DMD: variants seen among roughly 807,000 people sequenced by gnomAD.
DMD encodes dystrophin.
Under a neutral mutation model 330.1 loss-of-function variants are expected in DMD, and 63 were observed. That is an observed-to-expected ratio of 0.19 (90% CI 0.16 to 0.24). The LOEUF (loss-of-function observed/expected upper bound fraction) is 0.24. Ranked by LOEUF, DMD falls within the 10% of genes least tolerant of loss-of-function variation. The pLI is 1.00. For synonymous variants in DMD, 1,223 were observed against 959.8 expected, an observed-to-expected ratio of 1.27 and a Z score of -5.07; for missense variants, 3,344 against 2,684.1, an observed-to-expected ratio of 1.25 and a Z score of -5.43.
intron 44 of DMD, among the ~76,000 whole-genome samples, chrX:32,032,180 T>G (rs1038140856): frequency 9.0e-6 from 1 of 111,708 alleles, no homozygotes; most frequent in Non-Finnish European, 1.9e-5. Flanking sequence ...ATTTTATTGT[T>G]TATTTGAAAC....
chrX:32,656,378 C>A (rs1041638634), intron 9 of DMD, among the ~76,000 whole-genome samples: 5 of 111,313 alleles, frequency 4.5e-5, no homozygotes, highest in African/African-American at 1.6e-4. Context: ...TCCTACAAGG[C>A]CTCCATCACT....
intron 1 of DMD, among the ~76,000 whole-genome samples, chrX:33,330,620 A>C (rs1485762287): frequency 2.7e-5 from 3 of 111,921 alleles, no homozygotes; most frequent in African/African-American, 9.7e-5. Flanking sequence ...TTGCATGGTC[A>C]TGCTCATGCT....
intron 37 of DMD, among the ~76,000 whole-genome samples, chrX:32,355,308 G>C (rs2097795277): frequency 9.0e-6 from 1 of 111,010 alleles, no homozygotes; most frequent in Non-Finnish European, 1.9e-5. Flanking sequence ...TCTAGTATTT[G>C]CTAACCACAC....
chrX:31,525,934 C>G lies in DMD; in HGVS notation c.8218-18481G>C, dbSNP rs541062340. On this transcript the variant is annotated intron_variant, in intron 55 of 78. Coordinates refer to ENST00000357033, the MANE Select transcript of DMD (RefSeq NM_004006.3). ...GATAAACGGATTGAAAAGACAACAC[C>G]ATTCTCAGTAGAACTGTTTGCTTAC... is the stretch of plus-strand genomic sequence containing the variant. Among the ~76,000 whole-genome samples the G allele has an allele frequency of 1.2e-4, 14 of 112,197 alleles. No homozygotes were observed. In the South Asian group the frequency reaches 4.4e-3, roughly 36 times the overall value.
At chrX:32,803,037 G>C (rs1279556807) in intron 7 of DMD, among the ~76,000 whole-genome samples, 1 of 111,786 alleles carries the variant, frequency 8.9e-6, no homozygotes, top group Non-Finnish European at 1.9e-5. Flanking sequence ...GTTTCAGAAG[G>C]AATGGTACTA....
At chrX:32,257,325 T>A (rs1404785326) in intron 43 of DMD, among the ~76,000 whole-genome samples, 1 of 111,595 alleles carries the variant, frequency 9.0e-6, no homozygotes, top group African/African-American at 3.3e-5. Context: ...ACTTTACATT[T>A]CAGATGGAAC....
chrX:33,038,617 A>G (rs917041487), intron 1 of DMD, among the ~76,000 whole-genome samples: 4 of 111,869 alleles, frequency 3.6e-5, no homozygotes, highest in African/African-American at 1.3e-4. Flanking sequence ...GTGTGAGAGC[A>G]TTTTTGAAGG....
At chrX:32,446,882 T>A (rs1265273328) in intron 27 of DMD, among the ~76,000 whole-genome samples, 3 of 110,562 alleles carry the variant, frequency 2.7e-5, no homozygotes, top group Non-Finnish European at 5.7e-5. Flanking sequence ...AATAATTTGA[T>A]AACTTCAATA....
chrX:32,205,001 TCTC>T lies in DMD; in HGVS notation c.6438+11912_6438+11914del, dbSNP rs1166177636. On this transcript the variant is annotated intron_variant, in intron 44 of 78. Coordinates refer to ENST00000357033, the MANE Select transcript of DMD (RefSeq NM_004006.3). ...ATCTCTCTCTCTCTCTCTCTCTCTC[TCTC>T]TCACATACACACACACACACACACA... Among the ~76,000 whole-genome samples the T allele has an allele frequency of 8.2e-3, 323 of 39,584 alleles. 1 individual carries two copies. The highest frequency in any genetic ancestry group is 0.032 in the African/African-American group (304 of 9,489). 34.4% of individuals were successfully genotyped at this position (39,584 alleles called of 115,157 possible).
chrX:32,813,504 A>G (rs1296702550), intron 6 of DMD, among the ~76,000 whole-genome samples: 1 of 112,106 alleles, frequency 8.9e-6, no homozygotes, highest in Non-Finnish European at 1.9e-5. Context: ...AAATGACAGC[A>G]TCTACGTCAT....
At chrX:31,507,931 C>T (rs1045493160) in intron 55 of DMD, among the ~76,000 whole-genome samples, 3 of 111,799 alleles carry the variant, frequency 2.7e-5, no homozygotes, top group Non-Finnish European at 5.6e-5. Context: ...AACAAGATTG[C>T]ACTTGGCCCA....
At chrX:32,804,941 C>T (rs1479918434) in intron 7 of DMD, among the ~76,000 whole-genome samples, 1 of 112,153 alleles carries the variant, frequency 8.9e-6, no homozygotes, top group East Asian at 2.8e-4. Context: ...GACATCCACT[C>T]AGAAACCCCA....
intron 43 of DMD, among the ~76,000 whole-genome samples, chrX:32,228,906 A>T: frequency 8.9e-6 from 1 of 111,903 alleles, no homozygotes; most frequent in Admixed American, 9.5e-5. Context: ...CACTCTAATT[A>T]AAACTTCAGA....
chrX:31,593,352 C>T (rs890000524), intron 55 of DMD, among the ~76,000 whole-genome samples: 5 of 111,166 alleles, frequency 4.5e-5, no homozygotes, highest in African/African-American at 1.6e-4. Context: ...CCCAGAGCTT[C>T]GCTGCACATT....
chrX:32,523,200 CTT>C (rs2148833826), intron 17 of DMD, among the ~76,000 whole-genome samples: 1 of 111,193 alleles, frequency 9.0e-6, no homozygotes, highest in African/African-American at 3.3e-5. Flanking sequence ...CATGCTGAAA[CTT>C]TGAACTAAAG....
rs373498710 is a variant in DMD at position 31,476,397 on chromosome X, GTATATATA to G, written c.8937+1701_8937+1708del. On this transcript the variant is annotated intron_variant, in intron 59 of 78. Coordinates refer to ENST00000357033, the MANE Select transcript of DMD (RefSeq NM_004006.3). The stretch of plus-strand genomic sequence containing the variant: ...TATCTAACTATGTATGTGTGTGTGT[GTATATATA>G]TATATATATATATATACACACACAC... Among the ~76,000 whole-genome samples the G allele has an allele frequency of 3.7e-3, 329 of 88,323 alleles. 3 individuals carry two copies. The highest frequency in any genetic ancestry group is 0.013 in the African/African-American group (300 of 23,469). 76.7% of individuals were successfully genotyped at this position (88,323 alleles called of 115,157 possible). A position where few individuals can be genotyped will look rare whatever the true frequency, so the allele number is the denominator to read the frequency against.
At chrX:31,571,251 A>AGG (rs199781379) in intron 55 of DMD, among the ~76,000 whole-genome samples, 102 of 63,994 alleles carry the variant, frequency 1.6e-3, no homozygotes, top group African/African-American at 8.5e-3. Context: ...AAAGATTTAA[A>AGG]GGGGTGTGTG....
intron 2 of DMD, among the ~76,000 whole-genome samples, chrX:32,914,148 C>G (rs570846405): frequency 8.0e-4 from 89 of 111,738 alleles, no homozygotes; most frequent in Non-Finnish European, 9.6e-4. Context: ...GTCCCCCCAT[C>G]AAGCATCATT....
chrX:31,606,657 G>A (rs1451528343), intron 55 of DMD, among the ~76,000 whole-genome samples: 1 of 111,634 alleles, frequency 9.0e-6, no homozygotes, highest in Non-Finnish European at 1.9e-5. Flanking sequence ...AATGATCTAA[G>A]GATTTAGCTT....
Sources: gnomAD v4.1 joint callset for allele counts (sites outside exome capture counted in the v4.1 genomes callset) on GRCh38, gnomAD v4.1.1 for gene constraint, MANE v1.5 for transcripts, NCBI Gene and HGNC (gene_info 2026-07-23, HGNC 2026-07-21) for gene names.